Variants in NR2C1 observed in about 807,000 individuals in gnomAD.
NR2C1 encodes the protein TR2 nuclear hormone receptor.
A neutral mutation model predicts 74.8 loss-of-function variants in NR2C1; 33 were observed. The observed-to-expected ratio is 0.44, with a 90% CI of 0.33 to 0.59. The LOEUF (loss-of-function observed/expected upper bound fraction) is 0.59. Ranked by LOEUF, NR2C1 falls within the 20% of genes least tolerant of loss-of-function variation. The pLI is 0.02. For missense variants in NR2C1, 568 were observed against 715.6 expected (o/e 0.79, Z 2.35); for synonymous variants, 225 against 240.6 (o/e 0.94, Z 0.60).
intron 7 of NR2C1, among the ~76,000 whole-genome samples, chr12:95,056,741 G>A (rs1213595703): frequency 3.9e-5 from 6 of 152,122 alleles, no homozygotes; most frequent in African/African-American, 7.2e-5. Context: ...GGTGGATCAC[G>A]AGGTCAGGCG....
intron 10 of NR2C1, among the ~76,000 whole-genome samples, 181 bp from the exon 11 acceptor site, chr12:95,031,669 C>A (rs1364977926): frequency 6.6e-6 from 1 of 152,176 alleles, no homozygotes; most frequent in East Asian, 1.9e-4. Context: ...AATGCTTAGG[C>A]ATTTAAATAG....
At chr12:95,047,215 A>C (rs1872423051) in intron 9 of NR2C1, among the ~76,000 whole-genome samples, 1 of 152,218 alleles carries the variant, frequency 6.6e-6, no homozygotes, top group African/African-American at 2.4e-5. Context: ...ACAAAAGAGT[A>C]TCTTTTATTT....
chr12:95,069,343 G>A (rs1346575827), intron 1 of NR2C1, among the ~76,000 whole-genome samples: 1 of 152,154 alleles, frequency 6.6e-6, no homozygotes, highest in Non-Finnish European at 1.5e-5. Context: ...TTTAGTCAAT[G>A]AATGAGACTG....
At chr12:95,025,375 C>T (rs1175506436) in intron 12 of NR2C1, 120 bp from the exon 13 acceptor site, 1 of 575,038 alleles carries the variant, frequency 1.7e-6, no homozygotes, top group Admixed American at 3.6e-5. Flanking sequence ...ATGTGTGGCT[C>T]AGGCCGGGCA....
Position 95,049,075 on chromosome 12 carries a change from G to A in NR2C1, c.1124C>T (p.Ala375Val), listed in dbSNP as rs373909364. The change falls in exon 9 of 14, where the codon GCT (alanine) becomes GTT (valine). Residue 375 changes from alanine (A) to valine (V), a missense_variant. Ala to Val is a moderately conservative substitution (Grantham distance 64, BLOSUM62 0). Transcript: ENST00000333003. ...AAAAACATATAGAAATACCCTGAAAGCTACATGTGAATCGCTGAGAAGTGG... is the reference window on the plus strand; with the variant it reads ...AAAAACATATAGAAATACCCTGAAAACTACATGTGAATCGCTGAGAAGTGG... ...EGPLLSDSHV[A>V]FRLTMPSPMP... is the part of the protein sequence containing the mutation. The A allele has an allele frequency of 1.2e-6, 2 of 1,613,298 alleles. No homozygotes were observed. The highest frequency in any genetic ancestry group is 1.7e-6 in the Non-Finnish European group (2 of 1,179,512).
At chr12:95,046,140 A>G (rs1377594457) in intron 9 of NR2C1, among the ~76,000 whole-genome samples, 1 of 152,176 alleles carries the variant, frequency 6.6e-6, no homozygotes, top group Non-Finnish European at 1.5e-5. Context: ...ACACCCGGCC[A>G]ATAAAAATCT....
intron 10 of NR2C1, among the ~76,000 whole-genome samples, chr12:95,040,169 CTCTA>C (rs751270825): frequency 7.2e-5 from 6 of 82,854 alleles, no homozygotes; most frequent in African/African-American, 2.3e-4. Flanking sequence ...CTTACAGTCT[CTCTA>C]TCTTTGAGCC....
chr12:95,067,581 T>TA (rs1028213185), intron 1 of NR2C1, among the ~76,000 whole-genome samples, 190 bp from the exon 2 acceptor site: 24 of 151,736 alleles, frequency 1.6e-4, no homozygotes, highest in African/African-American at 4.1e-4. Context: ...TTTTATTTTT[T>TA]TTTTTTTTAA....
Position 95,057,882 on chromosome 12 carries a change from C to T in NR2C1, c.545-4G>A, listed in dbSNP as rs146307111. 74 of 1,609,742 alleles carry T rather than the reference C, an allele frequency of 4.6e-5. 1 individual carries two copies. In the African/African-American group the frequency reaches 6.2e-4, roughly 13 times the overall value. ...GGTTTTCTTTCACATTGGACAGCTA[C>T]AAAAATGTGTTAAACTATTATATCA... On this transcript the variant is annotated splice_region_variant and splice_polypyrimidine_tract_variant and intron_variant, in intron 5 of 13. Transcript: ENST00000333003.
In NR2C1 at chr12:95,060,126, G is replaced by C. The variant is rs537434548; in HGVS notation, c.286-142C>G. 3.0e-4 allele frequency: 209 copies of C among 686,840 alleles called. 1 individual carries two copies. The African/African-American group carries it at 3.5e-3, about 11-fold the overall frequency. 42.5% of individuals were successfully genotyped at this position (686,840 alleles called of 1,614,324 possible). A position where few individuals can be genotyped will look rare whatever the true frequency, so the allele number is the denominator to read the frequency against. On this transcript the variant is annotated intron_variant, in intron 3 of 13. Coordinates refer to ENST00000333003, the MANE Select transcript of NR2C1 (RefSeq NM_003297.4). ...TTTTCACAAGTTATTTTTAAACTTT[G>C]TACTCTATGAAGAGCTCAGAACCTT...
chr12:95,046,368 T>G (rs1699984040), intron 9 of NR2C1, among the ~76,000 whole-genome samples: 1 of 152,188 alleles, frequency 6.6e-6, no homozygotes. Context: ...AGAGGATCAC[T>G]TGAGGCCAGG....
intron 4 of NR2C1, 129 bp downstream of exon 4, chr12:95,059,777 C>T (rs1874468281): frequency 1.5e-6 from 1 of 647,336 alleles, no homozygotes; most frequent in Non-Finnish European, 2.5e-6. Context: ...ATAAAAACGA[C>T]ATACTCCTTT....
intron 1 of NR2C1, among the ~76,000 whole-genome samples, chr12:95,068,424 C>T (rs1876059025): frequency 6.6e-6 from 1 of 152,170 alleles, no homozygotes; most frequent in Admixed American, 6.5e-5. Context: ...CCATAACACT[C>T]AGGCATAAAC....
At chr12:95,067,562 A>T (rs555840509) in intron 1 of NR2C1, among the ~76,000 whole-genome samples, 171 bp from the exon 2 acceptor site, 4 of 151,442 alleles carry the variant, frequency 2.6e-5, no homozygotes, top group East Asian at 1.9e-4. Context: ...TGCCTTTTCC[A>T]TGTGTCTTTT....
chr12:95,051,966 A>C (rs766902852), intron 7 of NR2C1, 23 bp from the exon 8 acceptor site: 1 of 1,483,980 alleles, frequency 6.7e-7, no homozygotes, highest in Non-Finnish European at 9.1e-7. Flanking sequence ...GGGTATTAAA[A>C]TTCTGTGAAT....
Position 95,048,279 on chromosome 12 carries a change from A to C in NR2C1, c.1131+789T>G, listed in dbSNP as rs903530606. On this transcript the variant is annotated intron_variant, in intron 9 of 13. Transcript: ENST00000333003. ...CCAGCTAATTAAGATGATACATAAC[A>C]AATGGAGCTCTTTGTAGTTACTATG... is the stretch of plus-strand genomic sequence containing the variant. Among the ~76,000 whole-genome samples, 19 of 152,306 alleles carry C rather than the reference A, an allele frequency of 1.2e-4. 4 individuals are homozygous for C. The highest frequency in any genetic ancestry group is 7.2e-4 in the Admixed American group (11 of 15,294).
chr12:95,020,409 C>T lies in NR2C1; in HGVS notation c.*1820G>A, dbSNP rs2136081794. On this transcript the variant is annotated 3_prime_UTR_variant, in exon 14 of 14. Transcript: ENST00000333003. ...ATTTTAAAGGATTATTTCCCTGATTCCTTGGCTTACTAAACTGTATTTATA... is the reference window on the plus strand; with the variant it reads ...ATTTTAAAGGATTATTTCCCTGATTTCTTGGCTTACTAAACTGTATTTATA... 1 of 152,162 alleles carries T rather than the reference C, an allele frequency of 6.6e-6. No homozygotes were observed. Among genetic ancestry groups the T allele is most frequent in the East Asian group, 1.9e-4 (1 of 5,182 alleles). 9.4% of individuals were successfully genotyped at this position (152,162 alleles called of 1,614,324 possible). A position where few individuals can be genotyped will look rare whatever the true frequency, so the allele number is the denominator to read the frequency against.
At chr12:95,072,711 TTTC>T (rs1876886101) in intron 1 of NR2C1, 1 of 152,282 alleles carries the variant, frequency 6.6e-6, no homozygotes, top group Non-Finnish European at 1.5e-5. Flanking sequence ...GGAAGAATTA[TTTC>T]TTAACAAAAG....
intron 8 of NR2C1, among the ~76,000 whole-genome samples, chr12:95,051,176 T>C (rs1455271240): frequency 6.6e-6 from 1 of 152,192 alleles, no homozygotes; most frequent in Non-Finnish European, 1.5e-5. Flanking sequence ...CAAAATGCTC[T>C]AAAATCAGAA....
Sources: gnomAD v4.1 joint callset for allele counts (sites outside exome capture counted in the v4.1 genomes callset) on GRCh38, gnomAD v4.1.1 for gene constraint, MANE v1.5 for transcripts, NCBI Gene and HGNC (gene_info 2026-07-23, HGNC 2026-07-21) for gene names.